Variants in NFIB observed in about 807,000 individuals in gnomAD.
NFIB encodes nuclear factor I B.
Under a neutral mutation model 61.5 loss-of-function variants are expected in NFIB, and 11 were observed. The ratio of observed to expected loss-of-function variants is 0.18; its 90% CI spans 0.11 to 0.30. The LOEUF is 0.30. NFIB is among the 10% of genes least tolerant of loss of function. The pLI is 1.00. For missense variants in NFIB, 471 were observed against 608.9 expected (o/e 0.77, Z 2.38); for synonymous variants, 260 against 216.5 (o/e 1.20, Z -1.76).
the NFIB span, among the ~76,000 whole-genome samples, chr9:14,465,279 C>G: frequency 6.6e-6 from 1 of 152,144 alleles, no homozygotes; most frequent in Non-Finnish European, 1.5e-5. Flanking sequence ...TGTTCTCTTT[C>G]CAAAAGAAGG....
rs2032413070 is a variant in NFIB at position 14,083,781 on chromosome 9, T to C, written c.*4528A>G. 1.3e-5 allele frequency: 3 copies of C among 226,338 alleles called. No individual in the cohort carries two copies. The highest frequency in any genetic ancestry group is 1.1e-4 in the Admixed American group (2 of 17,546). The allele number at this position is 226,338 out of a possible 1,614,324, so 14.0% of individuals were successfully genotyped here. On this transcript the variant is annotated 3_prime_UTR_variant, in exon 11 of 11. Coordinates refer to ENST00000380953, the MANE Select transcript of NFIB (RefSeq NM_001190737.2). ...CTGAAGATGTCCCTGTGCAATCTCT[T>C]TCGTTGAGTCCTTATGAAGCTACAA... is the stretch of plus-strand genomic sequence containing the variant.
At chr9:14,168,183 C>G (rs892093673) in intron 3 of NFIB, among the ~76,000 whole-genome samples, 32 of 152,180 alleles carry the variant, frequency 2.1e-4, no homozygotes, top group African/African-American at 7.7e-4. Context: ...ACTGCAAGAA[C>G]AGGTTATTTA....
chr9:14,097,875 C>CT (rs71321962), intron 10 of NFIB, among the ~76,000 whole-genome samples: 1,278 of 110,804 alleles, frequency 0.012, 14 homozygotes, highest in African/African-American at 0.013. Context: ...TTTCTTTTTT[C>CT]TTTTTTTTTT....
At chr9:14,451,074 A>T in the NFIB span, among the ~76,000 whole-genome samples, 1 of 152,226 alleles carries the variant, frequency 6.6e-6, no homozygotes, top group African/African-American at 2.4e-5. Context: ...ACCTCGGTGA[A>T]GCCTGAATCC....
chr9:14,097,076 T>C (rs535968903), intron 10 of NFIB, among the ~76,000 whole-genome samples: 2 of 152,316 alleles, frequency 1.3e-5, no homozygotes, highest in African/African-American at 4.8e-5. Context: ...GAAAACCATA[T>C]CAAGATCATT....
At chr9:14,171,944 G>A (rs962808553) in intron 3 of NFIB, among the ~76,000 whole-genome samples, 1 of 152,168 alleles carries the variant, frequency 6.6e-6, no homozygotes, top group African/African-American at 2.4e-5. Context: ...TGATTAAGAA[G>A]ACAGAAGAAA....
chr9:14,322,102 A>C, intron 1 of NFIB: 1 of 731,144 alleles, frequency 1.4e-6, no homozygotes, highest in Non-Finnish European at 1.8e-6. Flanking sequence ...AAAAAAAAAA[A>C]GCAATCCGGG....
chr9:14,232,784 A>T (rs2053342903), intron 2 of NFIB, among the ~76,000 whole-genome samples: 1 of 152,224 alleles, frequency 6.6e-6, no homozygotes, highest in Admixed American at 6.5e-5. Context: ...TCTTATAATG[A>T]GTTGAACTAT....
chr9:14,474,686 G>A, the NFIB span, among the ~76,000 whole-genome samples: 1 of 152,168 alleles, frequency 6.6e-6, no homozygotes, highest in Non-Finnish European at 1.5e-5. Flanking sequence ...AACGAGTTAT[G>A]CACTTTTAAA....
chr9:14,447,198 C>T, the NFIB span, among the ~76,000 whole-genome samples: 2 of 152,090 alleles, frequency 1.3e-5, no homozygotes, highest in Non-Finnish European at 2.9e-5. Context: ...TTTAATATTA[C>T]ACATAATTTT....
At position 14,120,281 on chromosome 9, in the gene NFIB, T is replaced by C. The variant is rs940108217; in HGVS notation, c.1245+159A>G. Among the ~76,000 whole-genome samples, 6 of 152,228 alleles carry C rather than the reference T, an allele frequency of 3.9e-5. No homozygotes were observed. The highest frequency in any genetic ancestry group is 3.9e-4 in the Admixed American group (6 of 15,284). On this transcript the variant is annotated intron_variant, in intron 8 of 10. Transcript: ENST00000380953. The surrounding 1 kb of genome is among the most constrained non-coding windows in gnomAD (Gnocchi z 4.4). Reference sequence around the variant, plus strand: ...ACTTCCTACCTGTCATTCAGCCACCTTTAAATAAAAACTTATTGAGTCACC... The same window carrying C: ...ACTTCCTACCTGTCATTCAGCCACCCTTAAATAAAAACTTATTGAGTCACC...
chr9:14,257,376 C>T (rs2056323253), intron 2 of NFIB, among the ~76,000 whole-genome samples: 1 of 152,148 alleles, frequency 6.6e-6, no homozygotes, highest in South Asian at 2.1e-4. Flanking sequence ...GTGAATTCCC[C>T]AGGACCAGCA....
chr9:14,297,830 G>T (rs2059532191), intron 2 of NFIB, among the ~76,000 whole-genome samples: 2 of 152,148 alleles, frequency 1.3e-5, no homozygotes, highest in African/African-American at 4.8e-5. Context: ...ATTTGGCAAA[G>T]AAGAGTTTGG....
chr9:14,160,694 A>G (rs2044064215), intron 3 of NFIB, among the ~76,000 whole-genome samples: 1 of 152,040 alleles, frequency 6.6e-6, no homozygotes, highest in Non-Finnish European at 1.5e-5. Context: ...CACGTTCACC[A>G]TTATCTTATA....
the NFIB span, among the ~76,000 whole-genome samples, chr9:14,475,359 A>G: frequency 1.3e-5 from 2 of 152,330 alleles, no homozygotes; most frequent in South Asian, 4.1e-4. Context: ...CCTTTCGACC[A>G]TTAGTGTGAT....
At chr9:14,279,660 A>T (rs1244999653) in intron 2 of NFIB, among the ~76,000 whole-genome samples, 1 of 152,180 alleles carries the variant, frequency 6.6e-6, no homozygotes, top group Non-Finnish European at 1.5e-5. Context: ...TATGGGCCAC[A>T]ACATGTACTG....
chr9:14,128,358 T>TA (rs1430105934), intron 6 of NFIB, among the ~76,000 whole-genome samples: 4 of 152,222 alleles, frequency 2.6e-5, no homozygotes, highest in African/African-American at 9.6e-5. Context: ...AATCAGTTTC[T>TA]AAAAATTCCA....
At chr9:14,349,033 T>G (rs558897801) in intron 1 of NFIB, among the ~76,000 whole-genome samples, 1 of 152,312 alleles carries the variant, frequency 6.6e-6, no homozygotes, top group Admixed American at 6.5e-5. Flanking sequence ...CCACCGACGC[T>G]TGGACTCGCT....
At chr9:14,295,359 C>T (rs890373933) in intron 2 of NFIB, among the ~76,000 whole-genome samples, 3 of 152,148 alleles carry the variant, frequency 2.0e-5, no homozygotes, top group Non-Finnish European at 2.9e-5. Context: ...GGCGCGGTGG[C>T]TCATGCCTGT....
Sources: gnomAD v4.1 joint callset for allele counts (sites outside exome capture counted in the v4.1 genomes callset) on GRCh38, gnomAD v4.1.1 for gene constraint, Gnocchi (gnomAD v3.1) non-coding constraint, MANE v1.5 for transcripts, NCBI Gene and HGNC (gene_info 2026-07-23, HGNC 2026-07-21) for gene names.